The following CCDC60 variants were observed in gnomAD, a reference collection of about 807,000 sequenced individuals.
The protein encoded by CCDC60 is coiled-coil domain-containing protein 60.
In CCDC60, 54 loss-of-function variants were observed where a neutral mutation model predicts 63.5. The observed-to-expected ratio is 0.85, with a 90% confidence interval of 0.68 to 1.07. CCDC60 has a LOEUF of 1.07. Ranked by LOEUF, CCDC60 falls within the 50% of genes least tolerant of loss-of-function variation. CCDC60 has a pLI of 0.00. For missense variants in CCDC60, 651 were observed against 684.3 expected (o/e 0.95, Z 0.54); for synonymous variants, 206 against 238.8 (o/e 0.86, Z 1.27).
chr12:119,358,284 G>T (rs1955738287), intron 1 of CCDC60, among the ~76,000 whole-genome samples: 1 of 152,142 alleles, frequency 6.6e-6, no homozygotes, highest in Non-Finnish European at 1.5e-5. Flanking sequence ...ATGACCTCTA[G>T]TTCCCTATAA....
intron 5 of CCDC60, among the ~76,000 whole-genome samples, chr12:119,499,432 G>A (rs1003469040): frequency 6.6e-6 from 1 of 152,322 alleles, no homozygotes; most frequent in East Asian, 1.9e-4. Context: ...AGCTTCATTC[G>A]TTTCACTGTA....
At chr12:119,417,219 G>A (rs949121790) in intron 1 of CCDC60, among the ~76,000 whole-genome samples, 2 of 151,988 alleles carry the variant, frequency 1.3e-5, no homozygotes, top group Admixed American at 6.6e-5. Context: ...GAGGACACTT[G>A]GCAATGTCTG....
intron 1 of CCDC60, among the ~76,000 whole-genome samples, chr12:119,414,207 G>A (rs1036919433): frequency 3.7e-4 from 57 of 152,198 alleles, no homozygotes; most frequent in African/African-American, 1.3e-3. Context: ...GTAGAAGAGA[G>A]GGGATTTCAC....
chr12:119,523,818 A>G lies in CCDC60; in HGVS notation c.1229A>G (p.Lys410Arg), dbSNP rs201734767. 4.7e-5 allele frequency: 76 copies of G among 1,613,882 alleles called. No homozygotes were observed. Among genetic ancestry groups the G allele is most frequent in the African/African-American group, 1.3e-5 (1 of 74,938 alleles). ...CAGGACAAGATGGAAATCCTCATGAAGTAAGCGCACATATATATCCATTCA... is the reference window on the plus strand; with the variant it reads ...CAGGACAAGATGGAAATCCTCATGAGGTAAGCGCACATATATATCCATTCA... ...CLQDKMEILM[K>R]RQEERGIQKF... The change falls in exon 11 of 14, where the codon AAG (lysine) becomes AGG (arginine). Residue 410 changes from lysine to arginine, a missense_variant and splice_region_variant. By Grantham distance (26) the Lys-to-Arg change is conservative. Coordinates refer to ENST00000327554, the MANE Select transcript of CCDC60 (RefSeq NM_178499.5).
chr12:119,346,917 T>G lies in CCDC60; in HGVS notation c.90+11651T>G, dbSNP rs747216084. Among the ~76,000 whole-genome samples, 46 of 151,414 alleles carry G rather than the reference T, an allele frequency of 3.0e-4. 1 individual carries two copies. The highest frequency in any genetic ancestry group is 1.6e-4 in the Non-Finnish European group (11 of 67,840). ...TGGGCTCACTGCAGCCTCTGCCTCC[T>G]GGGTTCAAGCGATTCTCCTGCCTCA... is the stretch of plus-strand genomic sequence containing the variant. On this transcript the variant is annotated intron_variant, in intron 1 of 13. Coordinates refer to ENST00000327554, the MANE Select transcript of CCDC60 (RefSeq NM_178499.5).
At chr12:119,341,413 T>C (rs1255214099) in intron 1 of CCDC60, among the ~76,000 whole-genome samples, 1 of 152,194 alleles carries the variant, frequency 6.6e-6, no homozygotes, top group East Asian at 1.9e-4. Flanking sequence ...ATAAGCTTTG[T>C]AATTAGTTAG....
At chr12:119,393,629 G>A (rs777592015) in intron 1 of CCDC60, among the ~76,000 whole-genome samples, 2 of 152,158 alleles carry the variant, frequency 1.3e-5, no homozygotes, top group African/African-American at 2.4e-5. Flanking sequence ...TAATCAACTC[G>A]CCCTTGGAGA....
chr12:119,436,727 A>G (rs1950333910), intron 2 of CCDC60, among the ~76,000 whole-genome samples: 2 of 152,050 alleles, frequency 1.3e-5, no homozygotes. Context: ...TTTAGTAGAG[A>G]TAGGGTTTCA....
At position 119,420,086 on chromosome 12, in the gene CCDC60, C is replaced by T. The variant is rs1337634371; in HGVS notation, c.91-8597C>T. Reference sequence around the variant, plus strand: ...AGAGATAGGGTTTCACCGTGTTAGCCGGGATGGTCTCGAACTCCTGACCTC... The same window carrying T: ...AGAGATAGGGTTTCACCGTGTTAGCTGGGATGGTCTCGAACTCCTGACCTC... On this transcript the variant is annotated intron_variant, in intron 1 of 13. Transcript: ENST00000327554. The surrounding 1 kb of genome is among the most constrained non-coding windows in gnomAD (Gnocchi z 4.1). 2.6e-5 allele frequency among the ~76,000 whole-genome samples: 4 copies of T among 151,954 alleles called. No homozygotes were observed. Among genetic ancestry groups the T allele is most frequent in the African/African-American group, 4.8e-5 (2 of 41,354 alleles).
At chr12:119,379,852 A>C (rs1212702148) in intron 1 of CCDC60, among the ~76,000 whole-genome samples, 1 of 152,212 alleles carries the variant, frequency 6.6e-6, no homozygotes, top group Non-Finnish European at 1.5e-5. Flanking sequence ...GCTTGGATAT[A>C]AAGCAAAGCT....
chr12:119,336,036 T>C (rs1220519791), intron 1 of CCDC60, among the ~76,000 whole-genome samples: 8 of 139,346 alleles, frequency 5.7e-5, no homozygotes, highest in African/African-American at 1.4e-4. Flanking sequence ...TAGGTGGGAA[T>C]TGAACAATGA....
intron 2 of CCDC60, among the ~76,000 whole-genome samples, chr12:119,468,043 G>A (rs929646774): frequency 6.6e-6 from 1 of 152,072 alleles, no homozygotes; most frequent in South Asian, 2.1e-4. Context: ...GGGAGGCCGA[G>A]GTGGGTGGGT....
intron 13 of CCDC60, among the ~76,000 whole-genome samples, chr12:119,538,880 G>T (rs1227090937): frequency 6.6e-6 from 1 of 152,170 alleles, no homozygotes; most frequent in Non-Finnish European, 1.5e-5. Flanking sequence ...TTTTTGTGTG[G>T]ATGTGCTTTT....
intron 1 of CCDC60, among the ~76,000 whole-genome samples, chr12:119,426,487 C>G (rs1387229918): frequency 6.6e-6 from 1 of 152,096 alleles, no homozygotes; most frequent in Non-Finnish European, 1.5e-5. Flanking sequence ...TCCTGAGCAG[C>G]TGGGATTACA....
At chr12:119,484,520 A>C (rs1416884583) in intron 4 of CCDC60, among the ~76,000 whole-genome samples, 1 of 151,988 alleles carries the variant, frequency 6.6e-6, no homozygotes, top group Admixed American at 6.6e-5. Flanking sequence ...GTTTGAGACC[A>C]GCCTGGGCAA....
intron 2 of CCDC60, among the ~76,000 whole-genome samples, chr12:119,452,601 A>G (rs1487119669): frequency 6.6e-6 from 1 of 152,234 alleles, no homozygotes; most frequent in East Asian, 1.9e-4. Context: ...TAAAGAAATC[A>G]GTAGCTGCAA....
intron 1 of CCDC60, among the ~76,000 whole-genome samples, chr12:119,358,891 T>A (rs2136162072): frequency 6.6e-6 from 1 of 152,340 alleles, no homozygotes; most frequent in South Asian, 2.1e-4. Context: ...GGAGTGGAGC[T>A]ATTACAAAAT....
chr12:119,425,196 A>G (rs1253302878), intron 1 of CCDC60, among the ~76,000 whole-genome samples: 2 of 152,192 alleles, frequency 1.3e-5, no homozygotes, highest in Admixed American at 1.3e-4. Context: ...TCATTTATAA[A>G]TATGCTTAGT....
chr12:119,461,340 A>C (rs539544848), intron 2 of CCDC60, among the ~76,000 whole-genome samples: 1 of 152,262 alleles, frequency 6.6e-6, no homozygotes, highest in South Asian at 2.1e-4. Flanking sequence ...AACCACCCTA[A>C]GGGAATGAAA....
Sources: gnomAD v4.1 joint callset for allele counts (sites outside exome capture counted in the v4.1 genomes callset) on GRCh38, gnomAD v4.1.1 for gene constraint, Gnocchi (gnomAD v3.1) non-coding constraint, MANE v1.5 for transcripts, NCBI Gene and HGNC (gene_info 2026-07-23, HGNC 2026-07-21) for gene names.